AP3B1: variants seen among roughly 807,000 people sequenced by gnomAD.
The protein encoded by AP3B1 is adaptor related protein complex 3 subunit beta 1.
AP3B1 carries 61 observed loss-of-function variants against 132.5 expected under a neutral mutation model. The observed-to-expected ratio is 0.46, with a 90% CI of 0.37 to 0.57. AP3B1 has a LOEUF of 0.57. Among genes scored for constraint, AP3B1 ranks in the 20% least tolerant of loss-of-function variants. AP3B1 has a pLI of 0.00. For missense variants in AP3B1, 1,120 were observed against 1,289.4 expected, an observed-to-expected ratio of 0.87 and a Z score of 2.01; for synonymous variants, 388 against 438.3, an observed-to-expected ratio of 0.89 and a Z score of 1.43.
In AP3B1 at chr5:78,087,550, G is replaced by A. The variant is rs577418904; in HGVS notation, c.2577+1843C>T. On this transcript the variant is annotated intron_variant, in intron 22 of 26. Transcript: ENST00000255194. ...ACTTCTGGTTGTCATTCTTTTTAGC[G>A]CTACTTGTTTGATCATTTTGTTAGC... The A allele has an allele frequency of 3.7e-5, 36 of 985,174 alleles. No homozygotes were observed. The South Asian group carries it at 8.5e-4, about 23-fold the overall frequency. 61.0% of individuals were successfully genotyped at this position (985,174 alleles called of 1,614,324 possible). A position where few individuals can be genotyped will look rare whatever the true frequency, so the allele number is the denominator to read the frequency against.
At chr5:78,013,200 A>C (rs1364925196) in intron 26 of AP3B1, among the ~76,000 whole-genome samples, 2 of 152,062 alleles carry the variant, frequency 1.3e-5, no homozygotes, top group Non-Finnish European at 2.9e-5. Context: ...ATGTGCCACC[A>C]TGCCGGATTT....
chr5:78,113,941 A>G lies in AP3B1; in HGVS notation c.2078-18T>C, dbSNP rs1165399699. 16 of 1,612,224 alleles carry G rather than the reference A, an allele frequency of 9.9e-6. No individual in the cohort carries two copies. In the East Asian group the frequency reaches 2.9e-4, roughly 29 times the overall value. ...TTCACTCTCTGAAAAACAGAACCAG[A>G]TGTTCTTAGATTTATAGTCATTTAA... On this transcript the variant is annotated intron_variant, in intron 18 of 26. Transcript: ENST00000255194.
intron 14 of AP3B1, among the ~76,000 whole-genome samples, chr5:78,147,853 G>C (rs1753476620): frequency 6.6e-6 from 1 of 152,106 alleles, no homozygotes; most frequent in African/African-American, 2.4e-5. Context: ...GGTCAACATG[G>C]GGAAACCCCA....
At chr5:78,090,176 C>G (rs914763397) in intron 21 of AP3B1, among the ~76,000 whole-genome samples, 5 of 152,198 alleles carry the variant, frequency 3.3e-5, no homozygotes, top group Non-Finnish European at 5.9e-5. Context: ...CTATGGTCTG[C>G]CCCAGCCCAA....
At chr5:78,188,449 T>TA (rs1744692917) in intron 7 of AP3B1, among the ~76,000 whole-genome samples, 1 of 152,124 alleles carries the variant, frequency 6.6e-6, no homozygotes, top group African/African-American at 2.4e-5. Flanking sequence ...CAAAAAAAGA[T>TA]ATACATGCAG....
intron 12 of AP3B1, among the ~76,000 whole-genome samples, chr5:78,165,379 T>TATA (rs1743570681): frequency 6.6e-6 from 1 of 152,200 alleles, no homozygotes; most frequent in Admixed American, 6.5e-5. Flanking sequence ...GACAGAGTTA[T>TATA]AAACCAAAGT....
rs1306794347 is a variant in AP3B1 at position 78,110,281 on chromosome 5, T to C, written c.2323A>G (p.Ile775Val). The change falls in exon 20 of 27, where the codon ATA becomes GTA. Residue 775 changes from isoleucine (I) to valine (V), a missense_variant. Physicochemically the swap from Ile to Val is conservative, Grantham distance 29 (BLOSUM62 3). Around this residue, in one of 3 missense-constraint regions of AP3B1, gnomAD observed 906 missense variants for 997.1 expected, o/e 0.91. Coordinates refer to ENST00000255194, the MANE Select transcript of AP3B1 (RefSeq NM_003664.5). ...TCAGAATCGGAAGAACTGTCTTCTATTGAACTAGATTCGTCATTTGAAGAA... is the reference window on the plus strand; with the variant it reads ...TCAGAATCGGAAGAACTGTCTTCTACTGAACTAGATTCGTCATTTGAAGAA... ...SDSSNDESSS[I>V]EDSSSDSESE... 1.2e-6 allele frequency: 2 copies of C among 1,609,166 alleles called. No individual in the cohort carries two copies. The highest frequency in any genetic ancestry group is 2.2e-5 in the East Asian group (1 of 44,774).
At chr5:78,083,799 T>C (rs981888814) in intron 22 of AP3B1, among the ~76,000 whole-genome samples, 23 of 152,202 alleles carry the variant, frequency 1.5e-4, no homozygotes, top group Non-Finnish European at 3.4e-4. Context: ...GTTCTGAATA[T>C]ATAATTAAAA....
At chr5:78,053,889 T>C (rs1223288316) in intron 22 of AP3B1, among the ~76,000 whole-genome samples, 1 of 144,440 alleles carries the variant, frequency 6.9e-6, no homozygotes, top group Non-Finnish European at 1.5e-5. Context: ...TGTAACTCCT[T>C]CATACACTCA....
intron 22 of AP3B1, among the ~76,000 whole-genome samples, chr5:78,085,108 G>C (rs1430778114): frequency 6.6e-6 from 1 of 152,088 alleles, no homozygotes; most frequent in Non-Finnish European, 1.5e-5. Context: ...TGGTCAAAAG[G>C]TATACATATT....
chr5:78,294,389 G>T, intron 1 of AP3B1, 63 bp downstream of exon 1: 1 of 1,610,174 alleles, frequency 6.2e-7, no homozygotes, highest in Non-Finnish European at 8.5e-7. Flanking sequence ...CCACCCTGGC[G>T]CCCACTCCTC....
chr5:78,234,087 T>C (rs1455360670), intron 3 of AP3B1, among the ~76,000 whole-genome samples: 1 of 152,154 alleles, frequency 6.6e-6, no homozygotes, highest in Non-Finnish European at 1.5e-5. Context: ...TTATTAAAAA[T>C]CCAACAAGAA....
At chr5:78,233,025 C>T (rs1485002292) in intron 3 of AP3B1, among the ~76,000 whole-genome samples, 1 of 151,904 alleles carries the variant, frequency 6.6e-6, no homozygotes, top group Non-Finnish European at 1.5e-5. Flanking sequence ...CTATGTTTTT[C>T]AATTGCTAAC....
chr5:78,293,569 G>A (rs1246227263), intron 1 of AP3B1, among the ~76,000 whole-genome samples: 1 of 152,160 alleles, frequency 6.6e-6, no homozygotes, highest in African/African-American at 2.4e-5. Flanking sequence ...GATCTGCAAA[G>A]CTACTAGCAC....
chr5:78,108,345 T>C (rs1251774198), intron 20 of AP3B1, among the ~76,000 whole-genome samples: 1 of 152,224 alleles, frequency 6.6e-6, no homozygotes, highest in Non-Finnish European at 1.5e-5. Context: ...TAGTCACCTA[T>C]TATTAGAAAA....
chr5:78,156,649 G>A (rs1743160829), intron 13 of AP3B1, among the ~76,000 whole-genome samples: 1 of 152,126 alleles, frequency 6.6e-6, no homozygotes, highest in African/African-American at 2.4e-5. Flanking sequence ...AAAGACGTTG[G>A]ATTATGCTGC....
At chr5:78,015,276 A>G (rs1394690627) in intron 26 of AP3B1, 134 bp downstream of exon 26, 1 of 930,080 alleles carries the variant, frequency 1.1e-6, no homozygotes, top group Non-Finnish European at 1.6e-6. Flanking sequence ...ATACCATCAG[A>G]AAAAAAAGGG....
At chr5:78,177,479 A>G (rs774223648) in intron 8 of AP3B1, 43 bp from the exon 9 acceptor site, 1 of 1,380,138 alleles carries the variant, frequency 7.2e-7, no homozygotes. Flanking sequence ...TGAACACTAG[A>G]GCACTCTACA....
At chr5:78,003,305 T>C (rs1034248679) in intron 26 of AP3B1, among the ~76,000 whole-genome samples, 3 of 152,246 alleles carry the variant, frequency 2.0e-5, no homozygotes, top group African/African-American at 7.2e-5. Flanking sequence ...CTATTTTACT[T>C]ATTAGTTTAA....
Sources: gnomAD v4.1 joint callset for allele counts (sites outside exome capture counted in the v4.1 genomes callset) on GRCh38, gnomAD v4.1.1 for gene constraint, gnomAD v4.1.1 regional missense constraint, MANE v1.5 for transcripts, NCBI Gene and HGNC (gene_info 2026-07-23, HGNC 2026-07-21) for gene names.